CDH23: variants seen among roughly 807,000 people sequenced by gnomAD.
CDH23 encodes the protein cadherin related 23.
CDH23 carries 189 observed loss-of-function variants against 317.1 expected under a neutral mutation model. That is an observed-to-expected ratio of 0.60 (90% CI 0.53 to 0.67). The LOEUF is 0.67. CDH23 is among the 30% of genes least tolerant of loss of function. CDH23 has a pLI of 0.00. For missense variants in CDH23, 4,401 were observed against 4,592.4 expected (o/e 0.96, Z 1.20); for synonymous variants, 1,839 against 1,876.8 (o/e 0.98, Z 0.52).
chr10:71,464,426 T>C (rs768160108), intron 3 of CDH23, among the ~76,000 whole-genome samples: 60 of 152,172 alleles, frequency 3.9e-4, no homozygotes, highest in Non-Finnish European at 8.4e-4. Context: ...CCTGTCTGTG[T>C]CTCCCTACCT....
chr10:71,542,020 A>G (rs1856013881), intron 6 of CDH23, among the ~76,000 whole-genome samples: 3 of 152,190 alleles, frequency 2.0e-5, no homozygotes, highest in Non-Finnish European at 2.9e-5. Flanking sequence ...CCTGATTTAT[A>G]TCTACAAAAG....
chr10:71,666,552 A>G (rs1255699386), intron 14 of CDH23, among the ~76,000 whole-genome samples: 1 of 152,120 alleles, frequency 6.6e-6, no homozygotes. Context: ...TCCTTCTCAG[A>G]TTAAATCACT....
intron 18 of CDH23, among the ~76,000 whole-genome samples, chr10:71,685,196 A>C (rs1864823209): frequency 6.6e-6 from 1 of 152,172 alleles, no homozygotes; most frequent in African/African-American, 2.4e-5. Context: ...ATTCGTATTT[A>C]GTGGGTCTGA....
Position 71,785,419 on chromosome 10 carries a change from G to A in CDH23, c.5713-212G>A, listed in dbSNP as rs115420288. ...TCTGTAGATGGCCAACAACACCATG[G>A]GGTCCTCCGAGGGCCATCTCTCAGA... On this transcript the variant is annotated intron_variant, in intron 43 of 69. Transcript: ENST00000224721. Among the ~76,000 whole-genome samples the A allele has an allele frequency of 5.2e-3, 796 of 152,300 alleles. 12 individuals carry two copies. The highest frequency in any genetic ancestry group is 0.018 in the African/African-American group (738 of 41,572).
At chr10:71,428,139 C>CTA (rs1410284683) in intron 1 of CDH23, among the ~76,000 whole-genome samples, 16 of 131,536 alleles carry the variant, frequency 1.2e-4, no homozygotes, top group African/African-American at 4.8e-4. Flanking sequence ...TTCTTTCTTT[C>CTA]TTTTTTTTTT....
At chr10:71,491,999 A>G (rs186079672) in intron 3 of CDH23, among the ~76,000 whole-genome samples, 2 of 152,290 alleles carry the variant, frequency 1.3e-5, no homozygotes, top group Admixed American at 1.3e-4. Context: ...ACAGCTTCAC[A>G]GTGGTGCCGC....
chr10:71,480,412 C>CG (rs1852006859), intron 3 of CDH23, among the ~76,000 whole-genome samples: 1 of 152,214 alleles, frequency 6.6e-6, no homozygotes, highest in Admixed American at 6.5e-5. Context: ...CCGGGTCGGA[C>CG]GGGGGCTAGA....
At chr10:71,536,925 C>A (rs1020227445) in intron 6 of CDH23, among the ~76,000 whole-genome samples, 6 of 152,048 alleles carry the variant, frequency 3.9e-5, no homozygotes, top group Admixed American at 3.9e-4. Context: ...TGCTGTCCTG[C>A]GAGCCTTGAG....
chr10:71,745,111 G>C (rs1839823411), intron 38 of CDH23, among the ~76,000 whole-genome samples: 1 of 152,220 alleles, frequency 6.6e-6, no homozygotes, highest in Non-Finnish European at 1.5e-5. Flanking sequence ...CATTGTCCCT[G>C]AATGGCCACT....
intron 3 of CDH23, among the ~76,000 whole-genome samples, chr10:71,465,518 G>A (rs1349871131): frequency 3.3e-5 from 5 of 152,250 alleles, no homozygotes; most frequent in South Asian, 2.1e-4. Flanking sequence ...CTGAGCCATC[G>A]AGTGCCACCG....
Position 71,675,192 on chromosome 10 carries a change from C to T in CDH23, c.1514+16C>T. 1.9e-6 allele frequency: 3 copies of T among 1,610,520 alleles called. No homozygotes were observed. The highest frequency in any genetic ancestry group is 1.3e-5 in the African/African-American group (1 of 74,976). ...ACCCTGACAGGTGAGACTCTGCCCA[C>T]AGCCCCTCAGGCCCCTCCGCAGTGG... On this transcript the variant is annotated intron_variant, in intron 15 of 69. Transcript: ENST00000224721.
In CDH23 at chr10:71,590,887, C is replaced by CAA. The variant is rs761301469; in HGVS notation, c.832+12903_832+12904dup. On this transcript the variant is annotated intron_variant, in intron 9 of 69. Coordinates refer to ENST00000224721, the MANE Select transcript of CDH23 (RefSeq NM_022124.6). ...GACCCTGTCTCTAAAAAAAAAAAAACAAAAAAAAACAAAAAAAAACACCAG... is the reference window on the plus strand; with the variant it reads ...GACCCTGTCTCTAAAAAAAAAAAAACAAAAAAAAAAACAAAAAAAAACACCAG... Among the ~76,000 whole-genome samples, 214 of 92,780 alleles carry CAA rather than the reference C, an allele frequency of 2.3e-3. 3 individuals carry two copies. Among genetic ancestry groups the CAA allele is most frequent in the African/African-American group, 5.9e-3 (99 of 16,888 alleles). 60.9% of individuals were successfully genotyped at this position (92,780 alleles called of 152,430 possible). A position where few individuals can be genotyped will look rare whatever the true frequency, so the allele number is the denominator to read the frequency against.
At chr10:71,660,024 G>A (rs1203939416) in intron 14 of CDH23, among the ~76,000 whole-genome samples, 2 of 143,658 alleles carry the variant, frequency 1.4e-5, no homozygotes, top group East Asian at 2.1e-4. Flanking sequence ...ACCATAGTGC[G>A]ATCTTGGCTC....
rs74772964 is a variant in CDH23, at chr10:71,443,436, C to T, written c.68-2882C>T. On this transcript the variant is annotated intron_variant, in intron 2 of 69. Transcript: ENST00000224721. ...ACCCCTGTGTGTGGGAAATGCTTGT[C>T]ATTCAGCAGGCAGCTGGAATGCTGT... Among the ~76,000 whole-genome samples the T allele has an allele frequency of 7.4e-3, 1,127 of 152,360 alleles. 18 individuals carry two copies. The highest frequency in any genetic ancestry group is 0.025 in the African/African-American group (1,058 of 41,594).
At chr10:71,429,280 C>T (rs1424083407) in intron 1 of CDH23, among the ~76,000 whole-genome samples, 1 of 152,166 alleles carries the variant, frequency 6.6e-6, no homozygotes, top group African/African-American at 2.4e-5. Context: ...TGACTCTAGG[C>T]TGTGCATGGG....
chr10:71,557,566 T>G (rs1328139701), intron 6 of CDH23, among the ~76,000 whole-genome samples: 5 of 152,258 alleles, frequency 3.3e-5, no homozygotes, highest in African/African-American at 1.2e-4. Flanking sequence ...AGTACACTCT[T>G]CAGTAATTTT....
chr10:71,670,212 G>T (rs1213152801), intron 14 of CDH23, among the ~76,000 whole-genome samples: 1 of 152,198 alleles, frequency 6.6e-6, no homozygotes, highest in African/African-American at 2.4e-5. Context: ...ATGCAATCCA[G>T]CAACCCCTCT....
At chr10:71,609,989 T>A (rs556620261) in intron 9 of CDH23, among the ~76,000 whole-genome samples, 88 of 130,656 alleles carry the variant, frequency 6.7e-4, no homozygotes, top group East Asian at 4.6e-3. Flanking sequence ...TGTGTGTGTG[T>A]GTGTGTGAGA....
intron 9 of CDH23, among the ~76,000 whole-genome samples, chr10:71,585,436 G>A (rs562412048): frequency 4.6e-4 from 70 of 152,292 alleles, no homozygotes; most frequent in Admixed American, 1.6e-3. Context: ...GCAGCCACTA[G>A]CAGTTGAGAA....
Sources: gnomAD v4.1 joint callset for allele counts (sites outside exome capture counted in the v4.1 genomes callset) on GRCh38, gnomAD v4.1.1 for gene constraint, MANE v1.5 for transcripts, NCBI Gene and HGNC (gene_info 2026-07-23, HGNC 2026-07-21) for gene names.